DNAJC12: variants seen among roughly 807,000 people sequenced by gnomAD.
DNAJC12 encodes dnaJ homolog subfamily C member 12.
A neutral mutation model predicts 28.5 loss-of-function variants in DNAJC12; 25 were observed. That is an observed-to-expected ratio of 0.88 (90% CI 0.64 to 1.22). The LOEUF is 1.22. Among genes scored for constraint, DNAJC12 ranks in the 50% most tolerant of loss-of-function variants. DNAJC12 has a pLI of 0.00. For synonymous variants in DNAJC12, 77 were observed against 80.6 expected, an observed-to-expected ratio of 0.95 and a Z score of 0.24; for missense variants, 222 against 231.7, an observed-to-expected ratio of 0.96 and a Z score of 0.27.
intron 2 of DNAJC12, among the ~76,000 whole-genome samples, chr10:67,818,691 T>A (rs1841939768): frequency 6.6e-6 from 1 of 152,056 alleles, no homozygotes; most frequent in African/African-American, 2.4e-5. Flanking sequence ...AATTTCACTC[T>A]TGCTACCCAG....
intron 1 of DNAJC12, among the ~76,000 whole-genome samples, chr10:67,828,441 A>T (rs1401889652): frequency 6.6e-6 from 1 of 152,210 alleles, no homozygotes; most frequent in African/African-American, 2.4e-5. Flanking sequence ...ATATGTATAA[A>T]ACCCAGACTA....
chr10:67,820,845 G>A (rs1036427788), intron 2 of DNAJC12, among the ~76,000 whole-genome samples: 11 of 133,772 alleles, frequency 8.2e-5, no homozygotes, highest in African/African-American at 2.2e-4. Context: ...GTGCAATGGC[G>A]CAAGCTCTGC....
In DNAJC12 at chr10:67,821,408, CG is replaced by C. The variant is rs990745150; in HGVS notation, c.157+1905del. ...GCACATGCCTATAATCCCAGCTACT[CG>C]GGAGGCTGAGGCAGGAGAATCGCTT... is the stretch of plus-strand genomic sequence containing the variant. On this transcript the variant is annotated intron_variant, in intron 2 of 4. Coordinates refer to ENST00000225171, the MANE Select transcript of DNAJC12 (RefSeq NM_021800.3). Among the ~76,000 whole-genome samples, 17 of 152,086 alleles carry C rather than the reference CG, an allele frequency of 1.1e-4. 1 individual carries two copies. Among genetic ancestry groups the C allele is most frequent in the Admixed American group, 1.1e-3 (17 of 15,282 alleles).
intron 2 of DNAJC12, among the ~76,000 whole-genome samples, chr10:67,821,131 G>C (rs981333123): frequency 2.6e-5 from 4 of 152,044 alleles, no homozygotes; most frequent in African/African-American, 7.2e-5. Context: ...GTGCAATATG[G>C]AATTATAGAT....
intron 3 of DNAJC12, among the ~76,000 whole-genome samples, chr10:67,806,272 C>T (rs1457279130): frequency 6.6e-6 from 1 of 152,170 alleles, no homozygotes; most frequent in African/African-American, 2.4e-5. Context: ...CCTCTATTAC[C>T]ACAACTCAAG....
At chr10:67,835,325 A>G (rs1842131611) in intron 1 of DNAJC12, among the ~76,000 whole-genome samples, 1 of 152,200 alleles carries the variant, frequency 6.6e-6, no homozygotes. Context: ...TCCAATACAA[A>G]TCAAGTAAAG....
At chr10:67,819,816 G>GGAATGAAT (rs1554884864) in intron 2 of DNAJC12, among the ~76,000 whole-genome samples, 1 of 147,792 alleles carries the variant, frequency 6.8e-6, no homozygotes, top group African/African-American at 2.6e-5. Context: ...AAGGAAGGAA[G>GGAATGAAT]GAATGTTTAT....
intron 3 of DNAJC12, chr10:67,808,532 T>C (rs911146265): frequency 2.0e-5 from 3 of 152,076 alleles, no homozygotes; most frequent in African/African-American, 7.2e-5. Context: ...TATACCAAAA[T>C]TGGAATGATA....
At chr10:67,833,540 C>T (rs561987735) in intron 1 of DNAJC12, among the ~76,000 whole-genome samples, 43 of 152,228 alleles carry the variant, frequency 2.8e-4, no homozygotes, top group African/African-American at 1.0e-3. Flanking sequence ...ACCCTACTTG[C>T]CTCATTCTAG....
At position 67,838,021 on chromosome 10, in the gene DNAJC12, T is replaced by C; in HGVS notation, c.-10A>G. The stretch of plus-strand genomic sequence containing the variant: ...TCAGTATTGCATCCATTTAGATGAC[T>C]TAATCAGTCCTTCTTCCCTCGGAAA... On this transcript the variant is annotated 5_prime_UTR_variant, in exon 1 of 5. Coordinates refer to ENST00000225171, the MANE Select transcript of DNAJC12 (RefSeq NM_021800.3). The C allele has an allele frequency of 2.5e-6, 4 of 1,586,556 alleles. No homozygotes were observed. Among genetic ancestry groups the C allele is most frequent in the Non-Finnish European group, 3.4e-6 (4 of 1,160,420 alleles).
At chr10:67,815,385 G>C (rs1037946868) in intron 2 of DNAJC12, among the ~76,000 whole-genome samples, 1 of 151,762 alleles carries the variant, frequency 6.6e-6, no homozygotes, top group Non-Finnish European at 1.5e-5. Flanking sequence ...GTGCATGCCT[G>C]TAATCCCAGC....
At chr10:67,815,297 T>C (rs1841901965) in intron 2 of DNAJC12, among the ~76,000 whole-genome samples, 1 of 151,178 alleles carries the variant, frequency 6.6e-6, no homozygotes, top group South Asian at 2.1e-4. Context: ...TCACCTGAGG[T>C]CAGGAGTTCA....
chr10:67,797,119 T>C lies in DNAJC12; in HGVS notation c.594A>G (p.Ile198Met). 1 of 1,612,652 alleles carries C rather than the reference T, an allele frequency of 6.2e-7. No individual in the cohort carries two copies. The highest frequency in any genetic ancestry group is 8.5e-7 in the Non-Finnish European group (1 of 1,179,056). ...CATTTTTTGAAGCAGAGATATTTCA[T>C]ATTTCATAGTTTCTGAACTTCCTCA... is the stretch of plus-strand genomic sequence containing the variant. ...ELLRKFRNYEI is the reference protein window; with the variant it reads ...ELLRKFRNYEM Residue 198 changes from isoleucine (I) to methionine (M), a missense_variant, in exon 5 of 5, where the codon ATA becomes ATG. Physicochemically the swap from Ile to Met is conservative, Grantham distance 10. Coordinates refer to ENST00000225171, the MANE Select transcript of DNAJC12 (RefSeq NM_021800.3).
In DNAJC12 at chr10:67,837,938, G is replaced by T; in HGVS notation, c.74C>A (p.Ser25Tyr). ...AAATATTATCCACTGTCTTACCGAA[G>T]ATAGTTCATCACATCCCAGTAATGT... The part of the protein sequence containing the change: ...YYTLLGCDEL[S>Y]SVEQILAEFK... Residue 25 changes from serine (S) to tyrosine (Y), a missense_variant, in exon 1 of 5, where the codon TCT (serine) becomes TAT (tyrosine). Coordinates refer to ENST00000225171, the MANE Select transcript of DNAJC12 (RefSeq NM_021800.3). 1 of 1,594,004 alleles carries T rather than the reference G, an allele frequency of 6.3e-7. No homozygotes were observed. Among genetic ancestry groups the T allele is most frequent in the Non-Finnish European group, 8.6e-7 (1 of 1,166,682 alleles).
At chr10:67,813,349 C>T (rs888010776) in intron 2 of DNAJC12, among the ~76,000 whole-genome samples, 17 of 151,998 alleles carry the variant, frequency 1.1e-4, no homozygotes, top group African/African-American at 1.2e-4. Flanking sequence ...GATGACAGAG[C>T]GAGACTCCGT....
intron 3 of DNAJC12, among the ~76,000 whole-genome samples, chr10:67,806,181 TA>T (rs774541890): frequency 1.3e-5 from 2 of 152,194 alleles, no homozygotes; most frequent in Non-Finnish European, 2.9e-5. Context: ...TCAACCAAAA[TA>T]ATGCATAACT....
intron 4 of DNAJC12, among the ~76,000 whole-genome samples, chr10:67,798,925 C>G (rs1380147441): frequency 6.6e-6 from 1 of 152,038 alleles, no homozygotes; most frequent in Non-Finnish European, 1.5e-5. Flanking sequence ...CCACCACACC[C>G]GGCTAATTTT....
chr10:67,832,610 T>G (rs1842105343), intron 1 of DNAJC12, among the ~76,000 whole-genome samples: 1 of 152,128 alleles, frequency 6.6e-6, no homozygotes, highest in Non-Finnish European at 1.5e-5. Flanking sequence ...ACTGAAGAAT[T>G]TCCTTACTGT....
At chr10:67,820,984 T>C (rs1168743373) in intron 2 of DNAJC12, among the ~76,000 whole-genome samples, 1 of 151,776 alleles carries the variant, frequency 6.6e-6, no homozygotes, top group Non-Finnish European at 1.5e-5. Flanking sequence ...AGTTTCTCCA[T>C]GTTGGTCAGG....
Sources: gnomAD v4.1 joint callset for allele counts (sites outside exome capture counted in the v4.1 genomes callset) on GRCh38, gnomAD v4.1.1 for gene constraint, MANE v1.5 for transcripts, NCBI Gene and HGNC (gene_info 2026-07-23, HGNC 2026-07-21) for gene names.